The following PTPRD variants were observed in gnomAD, a reference collection of about 807,000 sequenced individuals.
The protein encoded by PTPRD is protein tyrosine phosphatase receptor type D.
A neutral mutation model predicts 214.5 loss-of-function variants in PTPRD; 34 were observed. The observed-to-expected ratio is 0.16, with a 90% CI of 0.12 to 0.21. The LOEUF (loss-of-function observed/expected upper bound fraction) is 0.21, where lower values mean the gene tolerates loss of function less well. Among genes scored for constraint, PTPRD ranks in the 10% least tolerant of loss-of-function variants. The pLI is 1.00. For missense variants in PTPRD, 2,545 were observed against 2,398.7 expected (o/e 1.06, Z -1.27); for synonymous variants, 1,128 against 845.7 (o/e 1.33, Z -5.79).
intron 9 of PTPRD, among the ~76,000 whole-genome samples, chr9:9,388,613 C>G (rs529241985): frequency 6.6e-6 from 1 of 152,092 alleles, no homozygotes; most frequent in Admixed American, 6.5e-5. Flanking sequence ...GGCTTGTTCT[C>G]ATATACAAGT....
chr9:9,002,828 C>T (rs766873057), intron 11 of PTPRD, among the ~76,000 whole-genome samples: 3 of 152,036 alleles, frequency 2.0e-5, no homozygotes, highest in Non-Finnish European at 2.9e-5. Flanking sequence ...CTCATTGCAC[C>T]CATCAAGTAA....
At chr9:8,363,891 G>A (rs1381561588) in intron 39 of PTPRD, among the ~76,000 whole-genome samples, 2 of 152,162 alleles carry the variant, frequency 1.3e-5, no homozygotes, top group African/African-American at 2.4e-5. Context: ...TTTCAAAAGG[G>A]ATTCTCTTCT....
At position 8,389,217 on chromosome 9, in the gene PTPRD, G is replaced by T. The variant is rs749977735; in HGVS notation, c.4386+15C>A. Reference sequence around the variant, plus strand: ...GAAAATTTTTAAAAGGAAAGAGGTGGATACTTATTCTTACCCTTGATCTTT... The same window carrying T: ...GAAAATTTTTAAAAGGAAAGAGGTGTATACTTATTCTTACCCTTGATCTTT... On this transcript the variant is annotated intron_variant, in intron 37 of 45. Transcript: ENST00000381196. 1.9e-6 allele frequency: 3 copies of T among 1,594,396 alleles called. No homozygotes were observed. Among genetic ancestry groups the T allele is most frequent in the African/African-American group, 1.4e-5 (1 of 73,974 alleles).
chr9:10,157,916 G>A (rs977084721), intron 3 of PTPRD, among the ~76,000 whole-genome samples: 1 of 151,770 alleles, frequency 6.6e-6, no homozygotes, highest in African/African-American at 2.4e-5. Flanking sequence ...TCTTCCTTTG[G>A]CTTGTTCTAT....
intron 3 of PTPRD, among the ~76,000 whole-genome samples, chr9:10,301,932 T>C (rs920265675): frequency 5.3e-5 from 8 of 152,068 alleles, no homozygotes; most frequent in Admixed American, 4.6e-4. Context: ...ACCACAAAGA[T>C]ACTCCTTGAG....
chr9:10,001,073 CT>C (rs1037190281), intron 4 of PTPRD, among the ~76,000 whole-genome samples: 2 of 151,896 alleles, frequency 1.3e-5, no homozygotes, highest in African/African-American at 2.4e-5. Flanking sequence ...TAGCGGGGAG[CT>C]TTTTTTTCTT....
chr9:10,441,329 T>G (rs139849842), intron 2 of PTPRD, among the ~76,000 whole-genome samples: 4 of 151,930 alleles, frequency 2.6e-5, no homozygotes, highest in Admixed American at 2.6e-4. Flanking sequence ...CAAGATGGAC[T>G]TCCTTTACTC....
At chr9:10,028,245 G>T (rs1056325501) in intron 4 of PTPRD, among the ~76,000 whole-genome samples, 4 of 152,182 alleles carry the variant, frequency 2.6e-5, no homozygotes, top group Non-Finnish European at 4.4e-5. Context: ...GGCCTCCCCA[G>T]CCATGTGGAA....
At chr9:8,638,333 C>G (rs987598730) in intron 12 of PTPRD, among the ~76,000 whole-genome samples, 1 of 152,014 alleles carries the variant, frequency 6.6e-6, no homozygotes, top group Non-Finnish European at 1.5e-5. Context: ...ACATGGTGTT[C>G]CCATTAACTT....
intron 3 of PTPRD, among the ~76,000 whole-genome samples, chr9:10,266,230 T>G (rs184652567): frequency 9.9e-5 from 15 of 152,022 alleles, no homozygotes; most frequent in Non-Finnish European, 1.9e-4. Context: ...TAAGCAAAAT[T>G]ATAAACCAAG....
intron 33 of PTPRD, chr9:8,451,970 G>A (rs567459556): frequency 4.9e-6 from 2 of 409,128 alleles, no homozygotes; most frequent in South Asian, 1.9e-5. Context: ...CTGGAGGGTA[G>A]AAAAGAAAAC....
intron 3 of PTPRD, among the ~76,000 whole-genome samples, chr9:10,329,071 C>T (rs1291898564): frequency 6.6e-6 from 1 of 151,704 alleles, no homozygotes; most frequent in East Asian, 1.9e-4. Flanking sequence ...TTTGGAACAC[C>T]AGCTTAATAC....
At chr9:8,359,006 G>C (rs1021606219) in intron 39 of PTPRD, among the ~76,000 whole-genome samples, 4 of 147,334 alleles carry the variant, frequency 2.7e-5, no homozygotes, top group South Asian at 2.2e-4. Context: ...TACTCGGGAG[G>C]CTGAGGCAGG....
chr9:10,118,046 T>C (rs1252732759), intron 3 of PTPRD, among the ~76,000 whole-genome samples: 1 of 152,018 alleles, frequency 6.6e-6, no homozygotes, highest in Non-Finnish European at 1.5e-5. Flanking sequence ...ACTTTCTTTC[T>C]ATAGGTGCAA....
At chr9:9,941,086 A>C (rs1409320598) in intron 4 of PTPRD, among the ~76,000 whole-genome samples, 1 of 152,108 alleles carries the variant, frequency 6.6e-6, no homozygotes, top group Non-Finnish European at 1.5e-5. Flanking sequence ...AATTCCAAAA[A>C]AATCTCATGT....
intron 9 of PTPRD, among the ~76,000 whole-genome samples, chr9:9,190,465 A>T (rs997991576): frequency 6.6e-6 from 1 of 151,910 alleles, no homozygotes; most frequent in Non-Finnish European, 1.5e-5. Flanking sequence ...GCTGCCATGT[A>T]AGAAGTGCCT....
intron 3 of PTPRD, among the ~76,000 whole-genome samples, chr9:10,164,894 A>G (rs1444651034): frequency 4.3e-5 from 5 of 115,410 alleles, no homozygotes; most frequent in African/African-American, 2.1e-4. Flanking sequence ...TTTGAACAAG[A>G]AAAAAAAAAA....
rs67735335 is a variant in PTPRD, at chr9:9,613,135, C to CATATATATATATATAT, written c.-286-38370_-286-38355dup. Among the ~76,000 whole-genome samples the CATATATATATATATAT allele has an allele frequency of 1.3e-3, 60 of 47,862 alleles. 3 individuals are homozygous for CATATATATATATATAT. The highest frequency in any genetic ancestry group is 4.4e-3 in the African/African-American group (50 of 11,464). 31.4% of individuals were successfully genotyped at this position (47,862 alleles called of 152,430 possible). ...AGCTAGGCTGCAGTATACATACATA[C>CATATATATATATATAT]ATATATATATATATATATATATATA... On this transcript the variant is annotated intron_variant, in intron 7 of 45. Coordinates refer to ENST00000381196, the MANE Select transcript of PTPRD (RefSeq NM_002839.4).
chr9:9,063,218 A>G (rs759919234), intron 10 of PTPRD, among the ~76,000 whole-genome samples: 2 of 152,186 alleles, frequency 1.3e-5, no homozygotes, highest in African/African-American at 4.8e-5. Flanking sequence ...CTCATCTTTA[A>G]TATGAGATAG....
Sources: gnomAD v4.1 joint callset for allele counts (sites outside exome capture counted in the v4.1 genomes callset) on GRCh38, gnomAD v4.1.1 for gene constraint, MANE v1.5 for transcripts, NCBI Gene and HGNC (gene_info 2026-07-23, HGNC 2026-07-21) for gene names.